The following RPS6KA6 variants were observed in gnomAD, a reference collection of about 807,000 sequenced individuals.
RPS6KA6 encodes ribosomal protein S6 kinase A6.
RPS6KA6 carries 27 observed loss-of-function variants against 65.4 expected under a neutral mutation model. The ratio of observed to expected loss-of-function variants is 0.41; its 90% CI spans 0.30 to 0.57. RPS6KA6 has a LOEUF of 0.57. Ranked by LOEUF, RPS6KA6 falls within the 20% of genes least tolerant of loss-of-function variation. RPS6KA6 has a pLI of 0.24. For synonymous variants in RPS6KA6, 190 were observed against 184.2 expected (o/e 1.03, Z -0.26); for missense variants, 486 against 555.6 (o/e 0.87, Z 1.26).
chrX:84,091,116 T>C (rs1440017051), intron 20 of RPS6KA6, among the ~76,000 whole-genome samples: 2 of 112,145 alleles, frequency 1.8e-5, no homozygotes, highest in Non-Finnish European at 3.8e-5. Flanking sequence ...GACGGACTAC[T>C]TGCCTTCTAG....
chrX:84,098,087 A>G (rs894644502), intron 18 of RPS6KA6, among the ~76,000 whole-genome samples: 3 of 111,398 alleles, frequency 2.7e-5, no homozygotes, highest in Non-Finnish European at 5.7e-5. Flanking sequence ...ATTTTAATGT[A>G]TACTATATAC....
At chrX:84,075,854 A>C (rs1218782918) in intron 20 of RPS6KA6, among the ~76,000 whole-genome samples, 5 of 112,302 alleles carry the variant, frequency 4.5e-5, no homozygotes, top group Non-Finnish European at 7.5e-5. Flanking sequence ...GGGGATAAGT[A>C]ATCAAGAGAA....
At chrX:84,118,333 C>T (rs919889655) in intron 9 of RPS6KA6, among the ~76,000 whole-genome samples, 1 of 111,250 alleles carries the variant, frequency 9.0e-6, no homozygotes, top group Non-Finnish European at 1.9e-5. Context: ...AGTAATGGTA[C>T]GCCACCAAAG....
rs1195698269 is a variant in RPS6KA6, at chrX:84,062,788, CTT to C, written c.*1487_*1488del. On this transcript the variant is annotated 3_prime_UTR_variant, in exon 22 of 22. Coordinates refer to ENST00000262752, the MANE Select transcript of RPS6KA6 (RefSeq NM_014496.5). ...GTATAATTCAGCACTCAGTAATCAA[CTT>C]TCTCTCTGAATAAAGCAAAATAAAA... 5 of 111,399 alleles carry C rather than the reference CTT, an allele frequency of 4.5e-5. No individual in the cohort carries two copies. Among genetic ancestry groups the C allele is most frequent in the African/African-American group, 1.6e-4 (5 of 30,708 alleles). The allele number at this position is 111,399 out of a possible 1,213,427, so 9.2% of individuals were successfully genotyped here.
At position 84,187,887 on chromosome X, in the gene RPS6KA6, C is replaced by T. The variant is rs1429254656; in HGVS notation, c.13G>A (p.Ala5Thr). ...CGGTCCCAGGGCTCGTCCTGAGGAG[C>T]GAATGGTAGCATCTCCCCTTCAGGA... MLPF[A>T]PQDEPWDREM... is the part of the protein sequence containing the mutation. The change falls in exon 1 of 22, where the codon GCT (alanine) becomes ACT (threonine). Residue 5 changes from alanine (A) to threonine (T), a missense_variant. By Grantham distance (58) the Ala-to-Thr change is moderately conservative. This residue lies in a region of RPS6KA6 where 106 missense variants were observed against 105.0 expected (regional missense o/e 1.01). Coordinates refer to ENST00000262752, the MANE Select transcript of RPS6KA6 (RefSeq NM_014496.5). 3.3e-6 allele frequency: 4 copies of T among 1,196,452 alleles called. No homozygotes were observed. The highest frequency in any genetic ancestry group is 4.5e-6 in the Non-Finnish European group (4 of 888,631).
At chrX:84,074,532 A>G (rs975251232) in intron 20 of RPS6KA6, among the ~76,000 whole-genome samples, 3 of 112,145 alleles carry the variant, frequency 2.7e-5, no homozygotes, top group Non-Finnish European at 5.6e-5. Context: ...TTTTCATCAC[A>G]AAGAAATGCT....
At chrX:84,170,165 TA>T (rs746518015) in intron 1 of RPS6KA6, among the ~76,000 whole-genome samples, 3,068 of 55,248 alleles carry the variant, frequency 0.056, 69 homozygotes, top group East Asian at 0.14. Flanking sequence ...AGACTCCTTC[TA>T]AAAAAAAAAA....
At chrX:84,173,843 T>C (rs1216725218) in intron 1 of RPS6KA6, among the ~76,000 whole-genome samples, 1 of 111,472 alleles carries the variant, frequency 9.0e-6, no homozygotes, top group Non-Finnish European at 1.9e-5. Context: ...AGTTTTGATA[T>C]GTCATACTGT....
chrX:84,132,746 A>T (rs1810386708), intron 8 of RPS6KA6, among the ~76,000 whole-genome samples: 1 of 107,541 alleles, frequency 9.3e-6, no homozygotes, highest in African/African-American at 3.4e-5. Flanking sequence ...ATCCACTCTC[A>T]TTCTACTGAT....
chrX:84,118,338 C>T (rs970041206), intron 9 of RPS6KA6, among the ~76,000 whole-genome samples: 14 of 111,192 alleles, frequency 1.3e-4, no homozygotes, highest in African/African-American at 4.6e-4. Flanking sequence ...TGGTACGCCA[C>T]CAAAGACTGG....
chrX:84,133,591 T>C (rs906669122), intron 8 of RPS6KA6, among the ~76,000 whole-genome samples: 2 of 111,298 alleles, frequency 1.8e-5, no homozygotes, highest in East Asian at 5.6e-4. Flanking sequence ...TTAACCTTAA[T>C]GTAGAGAGAG....
At chrX:84,123,922 C>T (rs2034726884) in intron 8 of RPS6KA6, among the ~76,000 whole-genome samples, 1 of 111,418 alleles carries the variant, frequency 9.0e-6, no homozygotes, top group Admixed American at 9.5e-5. Flanking sequence ...TGATTCAATG[C>T]AGTCTGTGTG....
At chrX:84,107,165 T>TCAAA in intron 13 of RPS6KA6, 125 bp from the exon 14 acceptor site, 1 of 519,701 alleles carries the variant, frequency 1.9e-6, no homozygotes, top group Non-Finnish European at 3.0e-6. Flanking sequence ...ATTTGATTTA[T>TCAAA]TATATATTAT....
chrX:84,145,525 G>T lies in RPS6KA6; in HGVS notation c.454C>A (p.Leu152Met), dbSNP rs2035183771. 2.6e-6 allele frequency: 3 copies of T among 1,149,739 alleles called. No individual in the cohort carries two copies. The highest frequency in any genetic ancestry group is 3.5e-6 in the Non-Finnish European group (3 of 857,966). The allele number at this position is 1,149,739 out of a possible 1,213,427, so 94.8% of individuals were successfully genotyped here. ...FQTEGKLYLILDFLRGGDVFT... is the reference protein window; with the variant it reads ...FQTEGKLYLIMDFLRGGDVFT... ...ACATCTCCTCCCCTGAGAAAATCCA[G>T]TATTAAGTACAGTTTCCCTTCAGTC... The change falls in exon 6 of 22, where the codon CTG (leucine) becomes ATG (methionine). Residue 152 changes from leucine (L) to methionine (M), a missense_variant. Leu to Met is a conservative substitution (Grantham distance 15). Coordinates refer to ENST00000262752, the MANE Select transcript of RPS6KA6 (RefSeq NM_014496.5).
In RPS6KA6 at chrX:84,151,198, G is replaced by T. The variant is rs1168550817; in HGVS notation, c.259-3075C>A. Reference sequence around the variant, plus strand: ...TATATAGCTATATAGGATATATAGAGATATAGATATATAGGATATATATAG... The same window carrying T: ...TATATAGCTATATAGGATATATAGATATATAGATATATAGGATATATATAG... On this transcript the variant is annotated intron_variant, in intron 3 of 21. Coordinates refer to ENST00000262752, the MANE Select transcript of RPS6KA6 (RefSeq NM_014496.5). Among the ~76,000 whole-genome samples the T allele has an allele frequency of 8.1e-4, 73 of 89,865 alleles. 1 individual carries two copies. The highest frequency in any genetic ancestry group is 2.6e-3 in the African/African-American group (66 of 25,811). 78.0% of individuals were successfully genotyped at this position (89,865 alleles called of 115,157 possible).
At chrX:84,150,730 CAGTA>C in intron 3 of RPS6KA6, among the ~76,000 whole-genome samples, 1 of 105,945 alleles carries the variant, frequency 9.4e-6, no homozygotes, top group East Asian at 2.9e-4. Flanking sequence ...ACAGATATAA[CAGTA>C]AGGAAAACAT....
At chrX:84,066,598 G>A (rs2033410049) in intron 20 of RPS6KA6, among the ~76,000 whole-genome samples, 1 of 111,101 alleles carries the variant, frequency 9.0e-6, no homozygotes, top group Non-Finnish European at 1.9e-5. Flanking sequence ...TGTCTGAAAG[G>A]CAGCAGCCCC....
At position 84,063,970 on chromosome X, in the gene RPS6KA6, G is replaced by GA. The variant is rs914382674; in HGVS notation, c.*306dup. 13 of 180,706 alleles carry GA rather than the reference G, an allele frequency of 7.2e-5. No individual in the cohort carries two copies. The highest frequency in any genetic ancestry group is 1.3e-4 in the East Asian group (1 of 7,784). The allele number at this position is 180,706 out of a possible 1,213,427, so 14.9% of individuals were successfully genotyped here. The stretch of plus-strand genomic sequence containing the variant: ...CCCAAACCATAATTGTATGAAACAA[G>GA]AAAAAAAATATTAAAGTAACTTTAT... On this transcript the variant is annotated 3_prime_UTR_variant, in exon 22 of 22. Coordinates refer to ENST00000262752, the MANE Select transcript of RPS6KA6 (RefSeq NM_014496.5).
intron 12 of RPS6KA6, among the ~76,000 whole-genome samples, chrX:84,108,715 A>G (rs191555960): frequency 9.0e-6 from 1 of 111,588 alleles, no homozygotes; most frequent in Non-Finnish European, 1.9e-5. Flanking sequence ...GGTACTGCTC[A>G]AGCCCATGTG....
Sources: gnomAD v4.1 joint callset for allele counts (sites outside exome capture counted in the v4.1 genomes callset) on GRCh38, gnomAD v4.1.1 for gene constraint, gnomAD v4.1.1 regional missense constraint, MANE v1.5 for transcripts, NCBI Gene and HGNC (gene_info 2026-07-23, HGNC 2026-07-21) for gene names.